GLRA3: variants seen among roughly 807,000 people sequenced by gnomAD.
The protein encoded by GLRA3 is glycine receptor subunit alpha-3.
A neutral mutation model predicts 60.4 loss-of-function variants in GLRA3; 44 were observed. That is an observed-to-expected ratio of 0.73 (90% CI 0.57 to 0.94). GLRA3 has a LOEUF of 0.94. Among genes scored for constraint, GLRA3 ranks in the 40% least tolerant of loss-of-function variants. The pLI is 0.00. For synonymous variants in GLRA3, 223 were observed against 192.9 expected, an observed-to-expected ratio of 1.16 and a Z score of -1.29; for missense variants, 508 against 564.6, an observed-to-expected ratio of 0.90 and a Z score of 1.02.
intron 3 of GLRA3, among the ~76,000 whole-genome samples, chr4:174,744,074 C>T (rs1488550148): frequency 2.0e-5 from 3 of 152,314 alleles, no homozygotes; most frequent in South Asian, 2.1e-4. Flanking sequence ...AGGGTTCTTC[C>T]CCTACTCTGT....
Position 174,642,796 on chromosome 4 carries a change from T to C in GLRA3, c.*990A>G. On this transcript the variant is annotated 3_prime_UTR_variant, in exon 10 of 10. Transcript: ENST00000274093. ...AAAACATTGATGGGAAAATGGTTTT[T>C]ATTAAAAAATCTTCCATGAATCCAT... 1 of 802,710 alleles carries C rather than the reference T, an allele frequency of 1.2e-6. No homozygotes were observed. Among genetic ancestry groups the C allele is most frequent in the Non-Finnish European group, 1.5e-6 (1 of 663,594 alleles). The allele number at this position is 802,710 out of a possible 1,614,324, so 49.7% of individuals were successfully genotyped here. A position where few individuals can be genotyped will look rare whatever the true frequency, so the allele number is the denominator to read the frequency against.
At chr4:174,787,839 T>C (rs193234616) in intron 2 of GLRA3, among the ~76,000 whole-genome samples, 1 of 152,196 alleles carries the variant, frequency 6.6e-6, no homozygotes, top group Non-Finnish European at 1.5e-5. Flanking sequence ...ATTGAAGCCA[T>C]TCATAATTTT....
At chr4:174,795,090 C>A (rs1272817726) in intron 1 of GLRA3, among the ~76,000 whole-genome samples, 4 of 150,844 alleles carry the variant, frequency 2.7e-5, no homozygotes, top group African/African-American at 9.7e-5. Flanking sequence ...TTTTAAAGAT[C>A]AACATGTTGT....
rs41279515 is a variant in GLRA3, at chr4:174,788,804, C to A, written c.199+12G>T. On this transcript the variant is annotated intron_variant, in intron 2 of 9. Transcript: ENST00000274093. ...TAAAACACACATATAAAGTAGCAAA[C>A]AGAACAATTACCTTTAAAATTGGGT... is the stretch of plus-strand genomic sequence containing the variant. 7.5e-3 allele frequency: 11,880 copies of A among 1,577,038 alleles called. 59 individuals are homozygous for A. The highest frequency in any genetic ancestry group is 9.5e-3 in the Non-Finnish European group (10,955 of 1,158,064).
At chr4:174,826,990 T>C (rs1188960411) in intron 1 of GLRA3, among the ~76,000 whole-genome samples, 2 of 151,714 alleles carry the variant, frequency 1.3e-5, no homozygotes, top group African/African-American at 2.4e-5. Context: ...TACTCTCATC[T>C]AAGACTAGTC....
At chr4:174,683,759 C>G (rs1734449498) in intron 5 of GLRA3, among the ~76,000 whole-genome samples, 1 of 152,172 alleles carries the variant, frequency 6.6e-6, no homozygotes, top group Non-Finnish European at 1.5e-5. Context: ...TGTTTTGAAT[C>G]TCTCCAGAGT....
intron 3 of GLRA3, among the ~76,000 whole-genome samples, chr4:174,755,039 A>C (rs1177539862): frequency 1.3e-5 from 2 of 152,130 alleles, no homozygotes; most frequent in Non-Finnish European, 2.9e-5. Flanking sequence ...TGATTGTACA[A>C]TTAGCTGCTT....
intron 1 of GLRA3, among the ~76,000 whole-genome samples, chr4:174,797,544 A>G (rs867669789): frequency 6.6e-6 from 1 of 152,212 alleles, no homozygotes. Context: ...ATGCTACTTG[A>G]AAGTTCAGAA....
At chr4:174,665,185 A>C (rs1302493744) in intron 7 of GLRA3, among the ~76,000 whole-genome samples, 1 of 151,048 alleles carries the variant, frequency 6.6e-6, no homozygotes, top group African/African-American at 2.4e-5. Context: ...TTAGTTTTTG[A>C]AACCTGAAAG....
chr4:174,663,652 T>C (rs1219656867), intron 7 of GLRA3, among the ~76,000 whole-genome samples: 1 of 152,156 alleles, frequency 6.6e-6, no homozygotes, highest in Non-Finnish European at 1.5e-5. Context: ...CTGTTTCTCC[T>C]CCTCCATTCT....
At chr4:174,659,280 T>C in intron 7 of GLRA3, 83 bp from the exon 8 acceptor site, 1 of 991,116 alleles carries the variant, frequency 1.0e-6, no homozygotes, top group Non-Finnish European at 1.5e-6. Context: ...TTTCTGATTC[T>C]GAATTATGTC....
At position 174,814,659 on chromosome 4, in the gene GLRA3, A is replaced by T. The variant is rs566319654; in HGVS notation, c.71+14082T>A. Among the ~76,000 whole-genome samples the T allele has an allele frequency of 1.2e-4, 19 of 152,346 alleles. 1 individual carries two copies. The South Asian group carries it at 3.7e-3, about 30-fold the overall frequency. The stretch of plus-strand genomic sequence containing the variant: ...GCAAGTCATGTCTTACATAGATTGC[A>T]GCAGACAAAGAGAGAGAGCTTGTGC... On this transcript the variant is annotated intron_variant, in intron 1 of 9. Transcript: ENST00000274093.
intron 3 of GLRA3, among the ~76,000 whole-genome samples, chr4:174,734,754 A>C (rs1418191808): frequency 6.6e-6 from 1 of 152,212 alleles, no homozygotes; most frequent in Non-Finnish European, 1.5e-5. Context: ...AAGATTGAAA[A>C]TTAAAATACT....
intron 1 of GLRA3, among the ~76,000 whole-genome samples, chr4:174,812,836 C>T (rs181697950): frequency 7.2e-5 from 11 of 152,226 alleles, no homozygotes; most frequent in East Asian, 5.8e-4. Flanking sequence ...ACCCTTCCTC[C>T]GTCTTTTTTT....
At chr4:174,801,419 C>T (rs146813852) in intron 1 of GLRA3, among the ~76,000 whole-genome samples, 1 of 152,202 alleles carries the variant, frequency 6.6e-6, no homozygotes, top group African/African-American at 2.4e-5. Flanking sequence ...GGTCCAACTG[C>T]CTACTTGTCA....
intron 9 of GLRA3, among the ~76,000 whole-genome samples, chr4:174,652,535 C>A (rs1019232851): frequency 2.0e-5 from 3 of 151,684 alleles, no homozygotes; most frequent in African/African-American, 7.3e-5. Flanking sequence ...AGCTACTGCA[C>A]AATTCTTTTT....
chr4:174,820,921 A>G (rs1202306085), intron 1 of GLRA3, among the ~76,000 whole-genome samples: 3 of 151,964 alleles, frequency 2.0e-5, no homozygotes, highest in Admixed American at 1.3e-4. Flanking sequence ...TAAATTTCAT[A>G]GTAACATTAC....
chr4:174,658,923 A>G lies in GLRA3; in HGVS notation c.1071+131T>C, dbSNP rs1056545299. The G allele has an allele frequency of 7.8e-6, 6 of 768,910 alleles. No homozygotes were observed. The African/African-American group carries it at 8.8e-5, about 11-fold the overall frequency. 47.6% of individuals were successfully genotyped at this position (768,910 alleles called of 1,614,324 possible). On this transcript the variant is annotated intron_variant, in intron 8 of 9. Transcript: ENST00000274093. The stretch of plus-strand genomic sequence containing the variant: ...TGACACTTTTAGTTTGGATTGGAAA[A>G]AAATGAAAGGAATATTATATCATTT...
chr4:174,720,811 C>G (rs532112145), intron 4 of GLRA3, among the ~76,000 whole-genome samples: 33 of 152,158 alleles, frequency 2.2e-4, no homozygotes, highest in Non-Finnish European at 2.4e-4. Context: ...TCTAGTTTTC[C>G]TTTATAAGAA....
Sources: allele counts gnomAD v4.1 joint callset (sites outside exome capture counted in the v4.1 genomes callset), GRCh38; gene constraint gnomAD v4.1.1; transcripts MANE v1.5; gene names NCBI Gene and HGNC (gene_info 2026-07-23, HGNC 2026-07-21).